Variants in RNF180 observed in about 807,000 individuals in gnomAD.
The protein encoded by RNF180 is E3 ubiquitin-protein ligase RNF180.
A neutral mutation model predicts 59.2 loss-of-function variants in RNF180; 38 were observed. That is an observed-to-expected ratio of 0.64 (90% CI 0.50 to 0.84). The LOEUF is 0.84. Among genes scored for constraint, RNF180 ranks in the 40% least tolerant of loss-of-function variants. The pLI is 0.00. For synonymous variants in RNF180, 262 were observed against 240.3 expected (o/e 1.09, Z -0.84); for missense variants, 705 against 700.9 (o/e 1.01, Z -0.07).
intron 7 of RNF180, among the ~76,000 whole-genome samples, chr5:64,357,059 CA>C (rs1194790556): frequency 1.3e-5 from 2 of 151,396 alleles, no homozygotes; most frequent in Non-Finnish European, 3.0e-5. Flanking sequence ...TGAACCGAAA[CA>C]AAAAAATGTG....
chr5:64,364,304 T>A (rs1746365292), intron 7 of RNF180, among the ~76,000 whole-genome samples: 1 of 151,764 alleles, frequency 6.6e-6, no homozygotes, highest in Non-Finnish European at 1.5e-5. Flanking sequence ...TGAATTTTAT[T>A]GAAAGCCTTT....
At chr5:64,277,977 T>A (rs533290444) in intron 5 of RNF180, among the ~76,000 whole-genome samples, 96 of 152,304 alleles carry the variant, frequency 6.3e-4, no homozygotes, top group African/African-American at 2.3e-3. Flanking sequence ...AAAGTATTGG[T>A]TTATCCAACC....
At chr5:64,329,558 A>G (rs1424766582) in intron 6 of RNF180, among the ~76,000 whole-genome samples, 2 of 151,268 alleles carry the variant, frequency 1.3e-5, no homozygotes, top group African/African-American at 4.9e-5. Context: ...CCCAGGTTCA[A>G]GCAGTTCTCC....
chr5:64,247,958 A>G (rs1446819201), intron 5 of RNF180, among the ~76,000 whole-genome samples: 2 of 152,208 alleles, frequency 1.3e-5, no homozygotes, highest in Non-Finnish European at 2.9e-5. Flanking sequence ...AATGCCACAC[A>G]TCTAAAACCA....
intron 4 of RNF180, 147 bp from the exon 5 acceptor site, chr5:64,217,214 G>A: frequency 3.1e-6 from 3 of 954,946 alleles, no homozygotes; most frequent in Non-Finnish European, 4.1e-6. Context: ...TTGCTCAGTA[G>A]TATTCCATTG....
intron 7 of RNF180, among the ~76,000 whole-genome samples, chr5:64,348,938 G>T (rs1001938684): frequency 6.6e-6 from 1 of 152,042 alleles, no homozygotes; most frequent in Non-Finnish European, 1.5e-5. Flanking sequence ...TCTGAGACAT[G>T]ATCTAACAAG....
intron 1 of RNF180, among the ~76,000 whole-genome samples, chr5:64,169,318 C>T (rs1001834736): frequency 6.6e-6 from 1 of 152,186 alleles, no homozygotes; most frequent in Non-Finnish European, 1.5e-5. Flanking sequence ...AGGGCATTAA[C>T]GCTACTCTCA....
intron 5 of RNF180, among the ~76,000 whole-genome samples, chr5:64,303,633 C>A (rs1332106396): frequency 6.6e-6 from 1 of 151,554 alleles, no homozygotes; most frequent in Non-Finnish European, 1.5e-5. Flanking sequence ...TCTTTGAAAG[C>A]TGAGAGAGCA....
intron 5 of RNF180, among the ~76,000 whole-genome samples, chr5:64,246,013 T>C (rs2112255346): frequency 6.6e-6 from 1 of 152,290 alleles, no homozygotes; most frequent in East Asian, 1.9e-4. Flanking sequence ...GAATGACTAC[T>C]GGGTAAATAA....
chr5:64,364,756 G>A (rs1410270297), intron 7 of RNF180, among the ~76,000 whole-genome samples: 1 of 151,540 alleles, frequency 6.6e-6, no homozygotes, highest in Non-Finnish European at 1.5e-5. Context: ...GGTCATTATT[G>A]TTTTCTTTAG....
At chr5:64,317,657 C>T (rs527488532) in intron 5 of RNF180, among the ~76,000 whole-genome samples, 3 of 150,942 alleles carry the variant, frequency 2.0e-5, no homozygotes, top group African/African-American at 7.3e-5. Context: ...CACAGTAGTC[C>T]TGCCTTATCC....
At chr5:64,215,754 CA>C (rs933008303) in intron 4 of RNF180, among the ~76,000 whole-genome samples, 17 of 152,004 alleles carry the variant, frequency 1.1e-4, no homozygotes, top group African/African-American at 4.1e-4. Context: ...AGAATATTTT[CA>C]AAATGATTAA....
At chr5:64,248,120 A>C (rs1361903894) in intron 5 of RNF180, among the ~76,000 whole-genome samples, 2 of 152,242 alleles carry the variant, frequency 1.3e-5, no homozygotes, top group African/African-American at 2.4e-5. Flanking sequence ...AGGTGGATTA[A>C]AGGCCTAAAC....
At chr5:64,277,571 G>T (rs1421840822) in intron 5 of RNF180, among the ~76,000 whole-genome samples, 2 of 152,078 alleles carry the variant, frequency 1.3e-5, no homozygotes, top group Admixed American at 1.3e-4. Context: ...GATTTTAGCT[G>T]TAAATAACAA....
chr5:64,184,108 T>G (rs537447018), intron 1 of RNF180, among the ~76,000 whole-genome samples: 34 of 152,280 alleles, frequency 2.2e-4, no homozygotes, highest in African/African-American at 6.7e-4. Flanking sequence ...AAAGATCATG[T>G]GAGGACACAT....
At chr5:64,256,769 T>C (rs1743994007) in intron 5 of RNF180, among the ~76,000 whole-genome samples, 1 of 152,310 alleles carries the variant, frequency 6.6e-6, no homozygotes, top group South Asian at 2.1e-4. Context: ...GGGGATGACA[T>C]TGAATCTATA....
intron 5 of RNF180, among the ~76,000 whole-genome samples, chr5:64,323,466 A>G (rs887569339): frequency 2.0e-5 from 3 of 152,188 alleles, no homozygotes; most frequent in African/African-American, 7.2e-5. Context: ...ACTTGAACCC[A>G]GGAAGCAGAG....
At chr5:64,226,175 C>T (rs1241653976) in intron 5 of RNF180, among the ~76,000 whole-genome samples, 1 of 152,174 alleles carries the variant, frequency 6.6e-6, no homozygotes, top group Non-Finnish European at 1.5e-5. Context: ...GAAGAGGCAG[C>T]GACCATCGAG....
At chr5:64,231,493 A>G (rs372963515) in intron 5 of RNF180, among the ~76,000 whole-genome samples, 2 of 152,334 alleles carry the variant, frequency 1.3e-5, no homozygotes, top group East Asian at 3.9e-4. Context: ...TTTAATGAAA[A>G]CTGGATGCCA....
Sources: gnomAD v4.1 joint callset for allele counts (sites outside exome capture counted in the v4.1 genomes callset) on GRCh38, gnomAD v4.1.1 for gene constraint, MANE v1.5 for transcripts, NCBI Gene and HGNC (gene_info 2026-07-23, HGNC 2026-07-21) for gene names.